Variants in SEPTIN11 observed in about 807,000 individuals in gnomAD.
The protein encoded by SEPTIN11 is septin 11.
Under a neutral mutation model 51.4 loss-of-function variants are expected in SEPTIN11, and 25 were observed. The ratio of observed to expected loss-of-function variants is 0.49; its 90% CI spans 0.35 to 0.68. The LOEUF is 0.68. Among genes scored for constraint, SEPTIN11 ranks in the 30% least tolerant of loss-of-function variants. The probability of loss-of-function intolerance (pLI) is 0.00; values close to 1 mark genes in which losing one functional copy is unlikely to be tolerated. For missense variants in SEPTIN11, 381 were observed against 520.8 expected, an observed-to-expected ratio of 0.73 and a Z score of 2.61; for synonymous variants, 174 against 184.1, an observed-to-expected ratio of 0.95 and a Z score of 0.44.
At chr4:77,039,440 G>T (rs1225948505), downstream of SEPTIN11, 5 of 1,028,134 alleles carry the variant, frequency 4.9e-6, no homozygotes, top group African/African-American at 6.9e-5. Context: ...AAGAACTGAT[G>T]GACTGAAGAC....
intron 1 of SEPTIN11, among the ~76,000 whole-genome samples, chr4:76,974,257 CTCTT>C (rs1434776237): frequency 2.0e-5 from 3 of 152,270 alleles, no homozygotes; most frequent in East Asian, 3.9e-4. Context: ...TCCTGTTGTC[CTCTT>C]TCTTTCTTAA....
chr4:77,011,468 CG>C (rs902578374), intron 3 of SEPTIN11, among the ~76,000 whole-genome samples: 2 of 146,044 alleles, frequency 1.4e-5, no homozygotes, highest in African/African-American at 5.1e-5. Flanking sequence ...ACAGGTTTCT[CG>C]CAGAGGGGCC....
At chr4:76,982,021 C>T (rs1346479327) in intron 1 of SEPTIN11, among the ~76,000 whole-genome samples, 1 of 152,086 alleles carries the variant, frequency 6.6e-6, no homozygotes, top group Non-Finnish European at 1.5e-5. Flanking sequence ...CATAATGCTC[C>T]CCATTTAAGG....
chr4:77,023,302 A>ACACACACAAT lies in SEPTIN11; in HGVS notation c.953+2632_953+2633insCACACACAAT, dbSNP rs1553976962. Among the ~76,000 whole-genome samples, 4 of 143,932 alleles carry ACACACACAAT rather than the reference A, an allele frequency of 2.8e-5. No individual in the cohort carries two copies. The East Asian group carries it at 8.0e-4, about 29-fold the overall frequency. The allele number at this position is 143,932 out of a possible 152,430, so 94.4% of individuals were successfully genotyped here. Reference sequence around the variant, plus strand: ...CACACACACACACACACACACACACAATATATATATAAAATAATATATATT... The same window carrying ACACACACAAT: ...CACACACACACACACACACACACACACACACACAATATATATATATAAAATAATATATATT... On this transcript the variant is annotated intron_variant, in intron 7 of 9. Transcript: ENST00000264893.
chr4:77,002,166 C>G (rs994919723), intron 2 of SEPTIN11, among the ~76,000 whole-genome samples: 4 of 152,176 alleles, frequency 2.6e-5, no homozygotes, highest in African/African-American at 9.7e-5. Flanking sequence ...TTTAGAGGAA[C>G]AGTGGTTTTT....
intron 1 of SEPTIN11, among the ~76,000 whole-genome samples, chr4:76,951,076 GACTT>G (rs1365649381): frequency 6.6e-6 from 1 of 152,142 alleles, no homozygotes; most frequent in Non-Finnish European, 1.5e-5. Flanking sequence ...ACAGACGAAA[GACTT>G]ACTGAGATAC....
chr4:76,959,562 T>G (rs1442529981), intron 1 of SEPTIN11, among the ~76,000 whole-genome samples: 1 of 152,220 alleles, frequency 6.6e-6, no homozygotes, highest in African/African-American at 2.4e-5. Context: ...TATTTTGTTC[T>G]GTAATGGGTT....
chr4:77,031,182 C>A, intron 9 of SEPTIN11: 1 of 517,484 alleles, frequency 1.9e-6, no homozygotes, highest in South Asian at 2.6e-5. Flanking sequence ...CCACAATTGA[C>A]CAAGCAATCA....
intron 7 of SEPTIN11, among the ~76,000 whole-genome samples, chr4:77,026,064 C>CT (rs1726118405): frequency 6.6e-6 from 1 of 152,178 alleles, no homozygotes; most frequent in Non-Finnish European, 1.5e-5. Context: ...AATGCCTACT[C>CT]TTAAACTTTT....
intron 1 of SEPTIN11, among the ~76,000 whole-genome samples, chr4:76,963,440 A>G (rs1008651701): frequency 1.3e-5 from 2 of 152,218 alleles, no homozygotes; most frequent in Admixed American, 1.3e-4. Flanking sequence ...GACTTGCCCA[A>G]GGTAAACAGT....
intron 4 of SEPTIN11, among the ~76,000 whole-genome samples, chr4:77,012,967 G>C (rs1165579291): frequency 6.6e-6 from 1 of 152,226 alleles, no homozygotes; most frequent in Non-Finnish European, 1.5e-5. Context: ...CCTGGGAGCT[G>C]TGCCATTAGC....
At chr4:77,004,801 A>G (rs1415114511) in intron 2 of SEPTIN11, among the ~76,000 whole-genome samples, 1 of 152,130 alleles carries the variant, frequency 6.6e-6, no homozygotes. Context: ...CGTCTCTACT[A>G]AAAATACAAA....
intron 8 of SEPTIN11, 34 bp from the exon 9 acceptor site, chr4:77,030,749 C>CCATTCACCAAGCCTGTTTTCTT: frequency 1.3e-6 from 2 of 1,556,794 alleles, no homozygotes. Context: ...GATTTTCATT[C>CCATTCACCAAGCCTGTTTTCTT]CATTCACCAA....
At position 76,996,312 on chromosome 4, in the gene SEPTIN11, C is replaced by T. The variant is rs576180988; in HGVS notation, c.28-113C>T. 18 of 809,402 alleles carry T rather than the reference C, an allele frequency of 2.2e-5. No individual in the cohort carries two copies. In the East Asian group the frequency reaches 4.4e-4, roughly 20 times the overall value. The allele number at this position is 809,402 out of a possible 1,614,324, so 50.1% of individuals were successfully genotyped here. ...AAGCCAAGGCAGCTGTGGAGGGTCTCCTTTTTCCATGTATGTCAAGGGAAG... is the reference window on the plus strand; with the variant it reads ...AAGCCAAGGCAGCTGTGGAGGGTCTTCTTTTTCCATGTATGTCAAGGGAAG... On this transcript the variant is annotated intron_variant, in intron 1 of 9. Transcript: ENST00000264893.
At chr4:76,992,475 G>A (rs1205070403) in intron 1 of SEPTIN11, among the ~76,000 whole-genome samples, 1 of 152,194 alleles carries the variant, frequency 6.6e-6, no homozygotes, top group Non-Finnish European at 1.5e-5. Flanking sequence ...TCCAATTTCA[G>A]CACCTTGACT....
intron 6 of SEPTIN11, among the ~76,000 whole-genome samples, chr4:77,019,508 A>C (rs184871975): frequency 6.6e-6 from 1 of 152,328 alleles, no homozygotes; most frequent in Non-Finnish European, 1.5e-5. Flanking sequence ...TGGGTTGTGT[A>C]GGGAATTAAT....
At chr4:76,955,291 G>C (rs988020057) in intron 1 of SEPTIN11, among the ~76,000 whole-genome samples, 2 of 152,170 alleles carry the variant, frequency 1.3e-5, no homozygotes, top group African/African-American at 4.8e-5. Flanking sequence ...AGTCTTTGCT[G>C]CTCTCATGAA....
At chr4:76,979,089 A>G (rs1722634146) in intron 1 of SEPTIN11, among the ~76,000 whole-genome samples, 1 of 152,148 alleles carries the variant, frequency 6.6e-6, no homozygotes, top group Admixed American at 6.5e-5. Context: ...CATTCATCCT[A>G]AACATATGGC....
intron 3 of SEPTIN11, among the ~76,000 whole-genome samples, chr4:77,011,058 T>G (rs112365624): frequency 1.9e-3 from 296 of 152,296 alleles, no homozygotes; most frequent in African/African-American, 6.8e-3. Flanking sequence ...ATGAAGATTT[T>G]GAGTTGAAAG....
Sources: allele counts gnomAD v4.1 joint callset (sites outside exome capture counted in the v4.1 genomes callset), GRCh38; gene constraint gnomAD v4.1.1; transcripts MANE v1.5; gene names NCBI Gene and HGNC (gene_info 2026-07-23, HGNC 2026-07-21).